The following DGKB variants were observed in gnomAD, a reference collection of about 807,000 sequenced individuals.
DGKB encodes 90 kDa diacylglycerol kinase.
In DGKB, 67 loss-of-function variants were observed where a neutral mutation model predicts 114.3. The observed-to-expected ratio is 0.59, with a 90% CI of 0.48 to 0.72. The LOEUF (loss-of-function observed/expected upper bound fraction) is 0.72, where lower values mean the gene tolerates loss of function less well. Among genes scored for constraint, DGKB ranks in the 30% least tolerant of loss-of-function variants. DGKB has a pLI of 0.00. For missense variants in DGKB, 907 were observed against 975.2 expected, an observed-to-expected ratio of 0.93 and a Z score of 0.93; for synonymous variants, 398 against 323.1, an observed-to-expected ratio of 1.23 and a Z score of -2.49.
Position 14,728,005 on chromosome 7 carries a change from C to T in DGKB, c.322+8036G>A, listed in dbSNP as rs1830273579. Reference sequence around the variant, plus strand: ...TGTTCTTAATTGATTAACTTCCTGACAGACATTTTCCTTTTCTATCTAAAA... The same window carrying T: ...TGTTCTTAATTGATTAACTTCCTGATAGACATTTTCCTTTTCTATCTAAAA... On this transcript the variant is annotated intron_variant, in intron 5 of 25. Transcript: ENST00000402815. Among the ~76,000 whole-genome samples the T allele has an allele frequency of 2.0e-5, 3 of 152,188 alleles. No homozygotes were observed. In the South Asian group the frequency reaches 6.2e-4, roughly 31 times the overall value.
At chr7:14,594,779 A>G (rs1802275770) in intron 17 of DGKB, among the ~76,000 whole-genome samples, 1 of 152,088 alleles carries the variant, frequency 6.6e-6, no homozygotes, top group Non-Finnish European at 1.5e-5. Context: ...ATGTATTTTG[A>G]AAGGAAATAA....
At chr7:14,668,058 G>A (rs1199770151) in intron 13 of DGKB, among the ~76,000 whole-genome samples, 2 of 151,982 alleles carry the variant, frequency 1.3e-5, no homozygotes, top group African/African-American at 4.8e-5. Flanking sequence ...GAGTGTTTGG[G>A]ATTCAAATAG....
At chr7:14,799,033 C>G (rs1586589921) in intron 2 of DGKB, among the ~76,000 whole-genome samples, 1 of 152,212 alleles carries the variant, frequency 6.6e-6, no homozygotes, top group African/African-American at 2.4e-5. Context: ...TATCCTCATT[C>G]AATTTGTGTA....
At chr7:14,865,017 C>T (rs1450733744) in intron 1 of DGKB, among the ~76,000 whole-genome samples, 2 of 152,056 alleles carry the variant, frequency 1.3e-5, no homozygotes, top group African/African-American at 4.8e-5. Flanking sequence ...ACGCAAAAGT[C>T]ACAGCAGCAG....
chr7:14,572,545 A>G (rs1330432911), intron 20 of DGKB, among the ~76,000 whole-genome samples: 1 of 151,952 alleles, frequency 6.6e-6, no homozygotes, highest in Non-Finnish European at 1.5e-5. Flanking sequence ...AATTATAAAC[A>G]AAAGAACCAA....
chr7:14,368,158 C>T (rs1040134378), intron 21 of DGKB, among the ~76,000 whole-genome samples: 4 of 150,786 alleles, frequency 2.7e-5, no homozygotes, highest in Non-Finnish European at 4.4e-5. Flanking sequence ...CACAGTCCCC[C>T]CACCATCAAA....
chr7:14,647,186 C>G (rs1294664076), intron 13 of DGKB, among the ~76,000 whole-genome samples: 2 of 152,040 alleles, frequency 1.3e-5, no homozygotes, highest in South Asian at 2.1e-4. Flanking sequence ...AACAACTATA[C>G]ACTACCACAC....
intron 1 of DGKB, among the ~76,000 whole-genome samples, chr7:14,857,015 A>G (rs1850248896): frequency 6.6e-6 from 1 of 152,172 alleles, no homozygotes; most frequent in East Asian, 1.9e-4. Flanking sequence ...GGCAACATGA[A>G]TGGGATGTCA....
chr7:14,615,564 T>C (rs10242753), intron 15 of DGKB, among the ~76,000 whole-genome samples: 4,980 of 151,868 alleles, frequency 0.033, 260 homozygotes, highest in African/African-American at 0.11. Flanking sequence ...GGTAGTTAAA[T>C]GGAGAAACAG....
intron 23 of DGKB, among the ~76,000 whole-genome samples, chr7:14,218,566 C>A (rs533728053): frequency 1.1e-4 from 17 of 152,074 alleles, no homozygotes; most frequent in African/African-American, 2.6e-4. Context: ...GAAATGAATA[C>A]CTGATCTGCT....
chr7:14,249,463 A>T (rs1489113491), intron 23 of DGKB, among the ~76,000 whole-genome samples: 1 of 152,118 alleles, frequency 6.6e-6, no homozygotes, highest in Non-Finnish European at 1.5e-5. Flanking sequence ...TGAAGCCATC[A>T]GTTCCTAGAC....
chr7:14,813,951 A>G (rs914172834), intron 2 of DGKB, among the ~76,000 whole-genome samples: 7 of 152,182 alleles, frequency 4.6e-5, no homozygotes, highest in Non-Finnish European at 1.0e-4. Context: ...TTTTAAACAA[A>G]TATTTACAAT....
intron 21 of DGKB, among the ~76,000 whole-genome samples, chr7:14,360,600 G>A (rs1461998705): frequency 1.3e-5 from 2 of 151,962 alleles, no homozygotes; most frequent in Non-Finnish European, 2.9e-5. Context: ...CATCCTGAAT[G>A]ATGGGCAACT....
Position 14,318,456 on chromosome 7 carries a change from C to G in DGKB, c.2122+20059G>C, listed in dbSNP as rs527696034. On this transcript the variant is annotated intron_variant, in intron 23 of 25. Coordinates refer to ENST00000402815, the MANE Select transcript of DGKB (RefSeq NM_001350709.2). ...AATTTACAAGAAAAAAACAAACAACCCCATCGAAAAGTGGGCGAAGGACAT... is the reference window on the plus strand; with the variant it reads ...AATTTACAAGAAAAAAACAAACAACGCCATCGAAAAGTGGGCGAAGGACAT... Among the ~76,000 whole-genome samples the G allele has an allele frequency of 7.2e-5, 11 of 152,224 alleles. No homozygotes were observed. In the East Asian group the frequency reaches 1.5e-3, roughly 21 times the overall value.
intron 25 of DGKB, among the ~76,000 whole-genome samples, chr7:14,169,153 A>G (rs1322845009): frequency 2.0e-5 from 3 of 151,626 alleles, no homozygotes; most frequent in Non-Finnish European, 4.4e-5. Flanking sequence ...AGGTCAGGAG[A>G]TCAAGACCAC....
intron 1 of DGKB, among the ~76,000 whole-genome samples, chr7:14,924,639 A>G (rs1784666303): frequency 6.6e-6 from 1 of 152,166 alleles, no homozygotes; most frequent in African/African-American, 2.4e-5. Context: ...ATAAAAATTC[A>G]TCCATCAAAG....
chr7:14,689,747 C>A (rs1272545827), intron 9 of DGKB, among the ~76,000 whole-genome samples: 2 of 152,144 alleles, frequency 1.3e-5, no homozygotes, highest in African/African-American at 4.8e-5. Context: ...GTATAGACAG[C>A]AGAACAAAAA....
intron 21 of DGKB, among the ~76,000 whole-genome samples, chr7:14,358,278 G>A (rs746600303): frequency 1.3e-5 from 2 of 152,096 alleles, no homozygotes; most frequent in Non-Finnish European, 2.9e-5. Flanking sequence ...TTTCTTGGAG[G>A]CTTTGTTCAT....
intron 2 of DGKB, among the ~76,000 whole-genome samples, chr7:14,784,426 G>C (rs1224316745): frequency 6.8e-6 from 1 of 147,744 alleles, no homozygotes; most frequent in Non-Finnish European, 1.5e-5. Context: ...GGAAGGCAGT[G>C]GTTCGATCTT....
Sources: allele counts gnomAD v4.1 joint callset (sites outside exome capture counted in the v4.1 genomes callset), GRCh38; gene constraint gnomAD v4.1.1; transcripts MANE v1.5; gene names NCBI Gene and HGNC (gene_info 2026-07-23, HGNC 2026-07-21).